Variants in VPS13B observed in about 807,000 individuals in gnomAD.
VPS13B encodes the protein vacuolar protein sorting 13 homolog B, also known as intermembrane lipid transfer protein VPS13B.
Under a neutral mutation model 426.4 loss-of-function variants are expected in VPS13B, and 285 were observed. That is an observed-to-expected ratio of 0.67 (90% CI 0.61 to 0.74). The LOEUF (loss-of-function observed/expected upper bound fraction) is 0.74. Among genes scored for constraint, VPS13B ranks in the 30% least tolerant of loss-of-function variants. The pLI is 0.00. For synonymous variants in VPS13B, 1,676 were observed against 1,676.4 expected, an observed-to-expected ratio of 1.00 and a Z score of 0.01; for missense variants, 4,537 against 4,782.6, an observed-to-expected ratio of 0.95 and a Z score of 1.51.
chr8:99,315,878 A>G (rs960952321), intron 19 of VPS13B, among the ~76,000 whole-genome samples: 3 of 151,976 alleles, frequency 2.0e-5, no homozygotes, highest in Non-Finnish European at 4.4e-5. Flanking sequence ...TGCCTTTTGT[A>G]TGTGTGTTTC....
intron 44 of VPS13B, among the ~76,000 whole-genome samples, chr8:99,813,849 T>C (rs1456312835): frequency 6.6e-6 from 1 of 152,226 alleles, no homozygotes; most frequent in Non-Finnish European, 1.5e-5. Context: ...TAAATAATAG[T>C]TCATCCCAGC....
rs117716675 is a variant in VPS13B at position 99,019,776 on chromosome 8, A to G, written c.147+5841A>G. 5.3e-5 allele frequency among the ~76,000 whole-genome samples: 8 copies of G among 152,322 alleles called. No homozygotes were observed. In the East Asian group the frequency reaches 5.8e-4, roughly 11 times the overall value. ...TTATTGGCATATTTCACTTAGCACA[A>G]TGTCTCAAAAAGCTTATCTATGTTG... On this transcript the variant is annotated intron_variant, in intron 2 of 61. Coordinates refer to ENST00000357162, the MANE Select transcript of VPS13B (RefSeq NM_152564.5).
chr8:99,742,303 T>A (rs944209392), intron 39 of VPS13B, among the ~76,000 whole-genome samples: 1 of 152,098 alleles, frequency 6.6e-6, no homozygotes, highest in African/African-American at 2.4e-5. Context: ...AATAGACCAA[T>A]AACAGGCTCT....
At chr8:99,721,984 C>T (rs1005785241) in intron 39 of VPS13B, among the ~76,000 whole-genome samples, 1 of 152,182 alleles carries the variant, frequency 6.6e-6, no homozygotes, top group African/African-American at 2.4e-5. Flanking sequence ...TATCACTTCC[C>T]TAACTTAAAA....
intron 39 of VPS13B, 24 bp downstream of exon 39, chr8:99,721,071 A>G: frequency 1.2e-6 from 2 of 1,610,042 alleles, no homozygotes; most frequent in Non-Finnish European, 1.7e-6. Context: ...ATTCATTGTA[A>G]AATGAAAACA....
At chr8:99,805,067 AAT>A (rs142498493) in intron 43 of VPS13B, among the ~76,000 whole-genome samples, 6,735 of 147,656 alleles carry the variant, frequency 0.046, 159 homozygotes, top group African/African-American at 0.057. Context: ...ATATTACCAG[AAT>A]ATATATATAT....
At chr8:99,284,376 G>C (rs887426013) in intron 19 of VPS13B, among the ~76,000 whole-genome samples, 1 of 151,816 alleles carries the variant, frequency 6.6e-6, no homozygotes, top group Non-Finnish European at 1.5e-5. Flanking sequence ...CCTATTTTTT[G>C]TGCGTAGAAC....
chr8:99,167,512 A>C (rs1812076086), intron 15 of VPS13B, among the ~76,000 whole-genome samples: 1 of 152,040 alleles, frequency 6.6e-6, no homozygotes, highest in Admixed American at 6.5e-5. Context: ...TGTCATTTAC[A>C]ATTAGCATGT....
chr8:99,752,107 TGA>T (rs1810424485), intron 39 of VPS13B, among the ~76,000 whole-genome samples: 1 of 152,050 alleles, frequency 6.6e-6, no homozygotes, highest in African/African-American at 2.4e-5. Flanking sequence ...CTCAGGAGAC[TGA>T]GAGAGGAGGA....
intron 16 of VPS13B, among the ~76,000 whole-genome samples, chr8:99,186,709 A>G (rs193275451): frequency 1.7e-4 from 26 of 152,286 alleles, no homozygotes; most frequent in African/African-American, 6.0e-4. Flanking sequence ...GTTACAGCTG[A>G]AAAATAAACC....
intron 39 of VPS13B, among the ~76,000 whole-genome samples, chr8:99,739,831 A>T (rs1809599265): frequency 1.3e-5 from 2 of 152,192 alleles, no homozygotes. Context: ...TACGTCACCA[A>T]AATCAAAGAC....
At chr8:99,835,884 C>T (rs1354359069) in intron 54 of VPS13B, 146 bp downstream of exon 54, 2 of 821,074 alleles carry the variant, frequency 2.4e-6, no homozygotes, top group East Asian at 5.4e-5. Context: ...TTTTTACGTC[C>T]TCATTAAGTT....
intron 39 of VPS13B, among the ~76,000 whole-genome samples, chr8:99,733,429 T>C (rs1259528054): frequency 2.0e-5 from 3 of 152,194 alleles, no homozygotes; most frequent in Admixed American, 6.5e-5. Context: ...TTAGGGATAA[T>C]CATAGCTCAT....
chr8:99,276,238 A>G (rs1818889602), intron 19 of VPS13B, among the ~76,000 whole-genome samples: 1 of 152,138 alleles, frequency 6.6e-6, no homozygotes, highest in Non-Finnish European at 1.5e-5. Flanking sequence ...TTTGCAGTTG[A>G]GTGGTATCCA....
intron 43 of VPS13B, among the ~76,000 whole-genome samples, chr8:99,792,099 C>G (rs1203207578): frequency 6.6e-6 from 1 of 152,142 alleles, no homozygotes; most frequent in Non-Finnish European, 1.5e-5. Flanking sequence ...GTAAACTAAC[C>G]TGAGCTGCTG....
intron 34 of VPS13B, 78 bp from the exon 35 acceptor site, chr8:99,661,276 T>G: frequency 6.3e-7 from 1 of 1,576,494 alleles, no homozygotes; most frequent in Non-Finnish European, 8.7e-7. Context: ...TTCTCTCATT[T>G]ATTAACTCAA....
At chr8:99,513,137 T>C (rs1821883915) in intron 29 of VPS13B, among the ~76,000 whole-genome samples, 1 of 151,248 alleles carries the variant, frequency 6.6e-6, no homozygotes, top group Admixed American at 6.6e-5. Context: ...ATATAAAAAA[T>C]TCTAGGTATA....
At chr8:99,259,911 G>A (rs1423480674) in intron 17 of VPS13B, among the ~76,000 whole-genome samples, 8 of 152,140 alleles carry the variant, frequency 5.3e-5, no homozygotes, top group African/African-American at 1.7e-4. Context: ...AACCGCCAGT[G>A]GCCAAATTCA....
chr8:99,267,790 A>G (rs559723260), intron 17 of VPS13B, among the ~76,000 whole-genome samples: 1 of 152,282 alleles, frequency 6.6e-6, no homozygotes, highest in East Asian at 1.9e-4. Flanking sequence ...GCTGGCCACA[A>G]AAATTTGCAT....
Sources: allele counts gnomAD v4.1 joint callset (sites outside exome capture counted in the v4.1 genomes callset), GRCh38; gene constraint gnomAD v4.1.1; transcripts MANE v1.5; gene names NCBI Gene and HGNC (gene_info 2026-07-23, HGNC 2026-07-21).